PRUNE2: variants seen among roughly 807,000 people sequenced by gnomAD.
PRUNE2 encodes protein prune homolog 2.
Under a neutral mutation model 252.0 loss-of-function variants are expected in PRUNE2, and 164 were observed. The observed-to-expected ratio is 0.65, with a 90% CI of 0.57 to 0.74. The LOEUF is 0.74. Among genes scored for constraint, PRUNE2 ranks in the 30% least tolerant of loss-of-function variants. The pLI is 0.00. For synonymous variants in PRUNE2, 1,292 were observed against 1,350.2 expected (o/e 0.96, Z 0.94); for missense variants, 3,495 against 3,711.0 (o/e 0.94, Z 1.51).
chr9:76,621,021 C>T lies in PRUNE2; in HGVS notation c.9189-1634G>A, dbSNP rs181572778. Among the ~76,000 whole-genome samples the T allele has an allele frequency of 2.6e-5, 4 of 152,244 alleles. No homozygotes were observed. In the East Asian group the frequency reaches 7.7e-4, roughly 29 times the overall value. ...AGATAAGGCAGGCTGAGGAAATCAC[C>T]TTCTGAAGTCAATTAGAGTTGGGGT... On this transcript the variant is annotated intron_variant, in intron 17 of 18. Coordinates refer to ENST00000376718, the MANE Select transcript of PRUNE2 (RefSeq NM_015225.3).
intron 1 of PRUNE2, among the ~76,000 whole-genome samples, chr9:76,868,497 G>A (rs944742148): frequency 1.3e-5 from 2 of 152,110 alleles, no homozygotes; most frequent in African/African-American, 2.4e-5. Flanking sequence ...GGAGGACCAC[G>A]GAAGTTAGTT....
chr9:76,615,704 T>A (rs1262588444), intron 18 of PRUNE2, among the ~76,000 whole-genome samples: 1 of 152,054 alleles, frequency 6.6e-6, no homozygotes, highest in African/African-American at 2.4e-5. Context: ...CATATCATAA[T>A]GTCTGTTATT....
At chr9:76,697,371 A>C (rs1211129975) in intron 9 of PRUNE2, among the ~76,000 whole-genome samples, 1 of 152,158 alleles carries the variant, frequency 6.6e-6, no homozygotes, top group Non-Finnish European at 1.5e-5. Flanking sequence ...GGAAAACGTA[A>C]ATGAACATTG....
intron 6 of PRUNE2, among the ~76,000 whole-genome samples, chr9:76,807,760 G>C (rs1271798275): frequency 6.6e-6 from 1 of 152,188 alleles, no homozygotes; most frequent in African/African-American, 2.4e-5. Context: ...CAGCTAGAGG[G>C]AGATTCCCTT....
In PRUNE2 at chr9:76,782,852, G is replaced by A. The variant is rs1255131787; in HGVS notation, c.756+40780C>T. On this transcript the variant is annotated intron_variant, in intron 6 of 18. Coordinates refer to ENST00000376718, the MANE Select transcript of PRUNE2 (RefSeq NM_015225.3). ...GCAGGGGTGAGTTACATGGTAGAAC[G>A]AAGAATAGACCAGAAGCCAGAAGTG... is the stretch of plus-strand genomic sequence containing the variant. 3.9e-5 allele frequency: 6 copies of A among 152,328 alleles called. No individual in the cohort carries two copies. In the East Asian group the frequency reaches 9.7e-4, roughly 25 times the overall value. 9.4% of individuals were successfully genotyped at this position (152,328 alleles called of 1,614,324 possible).
intron 6 of PRUNE2, among the ~76,000 whole-genome samples, chr9:76,760,768 T>C (rs1589064848): frequency 6.6e-6 from 1 of 152,154 alleles, no homozygotes; most frequent in East Asian, 1.9e-4. Flanking sequence ...TTAGATTTAC[T>C]GCATTCATGC....
At chr9:76,827,609 G>A (rs1003025705) in intron 4 of PRUNE2, among the ~76,000 whole-genome samples, 5 of 152,080 alleles carry the variant, frequency 3.3e-5, no homozygotes, top group Non-Finnish European at 5.9e-5. Flanking sequence ...TAGCCTTAAC[G>A]CCAGTCATGG....
At chr9:76,632,109 A>G (rs990071260) in intron 15 of PRUNE2, among the ~76,000 whole-genome samples, 5 of 152,192 alleles carry the variant, frequency 3.3e-5, no homozygotes, top group Admixed American at 2.0e-4. Context: ...ATGAACATAC[A>G]TGTGCATGTG....
intron 12 of PRUNE2, chr9:76,642,041 C>T: frequency 2.5e-6 from 3 of 1,177,616 alleles, no homozygotes; most frequent in Non-Finnish European, 3.5e-6. Context: ...AAAGAAACTC[C>T]TTGTTAAAAT....
At position 76,656,089 on chromosome 9, in the gene PRUNE2, T is replaced by C. The variant is rs191062661; in HGVS notation, c.8277-587A>G. Among the ~76,000 whole-genome samples the C allele has an allele frequency of 3.4e-3, 519 of 152,324 alleles. 2 individuals are homozygous for C. Among genetic ancestry groups the C allele is most frequent in the African/African-American group, 0.012 (495 of 41,570 alleles). On this transcript the variant is annotated intron_variant, in intron 9 of 18. Transcript: ENST00000376718. Reference sequence around the variant, plus strand: ...AATATTTAAAGAGTCACTGTGAATATATGTTGGTGAAGATGGCTCTGGTCA... The same window carrying C: ...AATATTTAAAGAGTCACTGTGAATACATGTTGGTGAAGATGGCTCTGGTCA...
chr9:76,826,123 T>C (rs558812517), intron 5 of PRUNE2, among the ~76,000 whole-genome samples: 17 of 152,310 alleles, frequency 1.1e-4, no homozygotes, highest in African/African-American at 3.4e-4. Flanking sequence ...GTCAACATTA[T>C]GTGCCTGAAA....
At chr9:76,686,176 T>C (rs570160588) in intron 9 of PRUNE2, among the ~76,000 whole-genome samples, 4 of 152,378 alleles carry the variant, frequency 2.6e-5, no homozygotes, top group African/African-American at 9.6e-5. Context: ...TAAACAGATA[T>C]TCAGGGAAGA....
chr9:76,679,845 C>T (rs1247251868), intron 9 of PRUNE2, among the ~76,000 whole-genome samples: 1 of 152,098 alleles, frequency 6.6e-6, no homozygotes, highest in Non-Finnish European at 1.5e-5. Context: ...TCACCTTATG[C>T]AATATACCAA....
chr9:76,823,609 TA>T, intron 6 of PRUNE2, 22 bp downstream of exon 6: 7 of 1,407,270 alleles, frequency 5.0e-6, no homozygotes, highest in Non-Finnish European at 7.1e-6. Flanking sequence ...CAATCAATGC[TA>T]AAAAAGCATT....
intron 4 of PRUNE2, among the ~76,000 whole-genome samples, chr9:76,828,116 T>C (rs551087753): frequency 1.1e-4 from 16 of 152,218 alleles, no homozygotes; most frequent in Non-Finnish European, 2.1e-4. Flanking sequence ...ATGGGTGAAA[T>C]ACATAGTACT....
chr9:76,640,557 T>C (rs912916407), intron 12 of PRUNE2, among the ~76,000 whole-genome samples: 1 of 116,128 alleles, frequency 8.6e-6, no homozygotes, highest in African/African-American at 2.6e-5. Context: ...CGTAGTAGCT[T>C]CTCTGGATAT....
chr9:76,885,722 C>T (rs958280563), intron 1 of PRUNE2, among the ~76,000 whole-genome samples: 2 of 152,170 alleles, frequency 1.3e-5, no homozygotes, highest in African/African-American at 4.8e-5. Flanking sequence ...CCTGACTCCA[C>T]CCCTTCCTGC....
At chr9:76,857,255 C>A in intron 1 of PRUNE2, 1 of 406,010 alleles carries the variant, frequency 2.5e-6, no homozygotes, top group South Asian at 1.8e-5. Flanking sequence ...GGTGCCCAGG[C>A]TCTCAAGGAC....
chr9:76,752,357 A>G (rs1157800159), intron 6 of PRUNE2, among the ~76,000 whole-genome samples: 2 of 152,148 alleles, frequency 1.3e-5, no homozygotes, highest in African/African-American at 4.8e-5. Context: ...TCGGCCTCCC[A>G]AAGTGCTGGG....
Sources: gnomAD v4.1 joint callset for allele counts (sites outside exome capture counted in the v4.1 genomes callset) on GRCh38, gnomAD v4.1.1 for gene constraint, MANE v1.5 for transcripts, NCBI Gene and HGNC (gene_info 2026-07-23, HGNC 2026-07-21) for gene names.